The following IL1RAPL2 variants were observed in gnomAD, a reference collection of about 807,000 sequenced individuals.
The protein encoded by IL1RAPL2 is interleukin 1 receptor accessory protein like 2, also known as X-linked interleukin-1 receptor accessory protein-like 2.
In IL1RAPL2, 3 loss-of-function variants were observed where a neutral mutation model predicts 44.1. The observed-to-expected ratio is 0.07, with a 90% CI of 0.03 to 0.18. IL1RAPL2 has a LOEUF of 0.18. IL1RAPL2 is among the 10% of genes least tolerant of loss of function. The pLI, the probability that IL1RAPL2 is intolerant of heterozygous loss-of-function variation, is 1.00. For synonymous variants in IL1RAPL2, 181 were observed against 178.8 expected, an observed-to-expected ratio of 1.01 and a Z score of -0.10; for missense variants, 391 against 496.4, an observed-to-expected ratio of 0.79 and a Z score of 2.02.
In IL1RAPL2 at chrX:104,915,791, A is replaced by G. The variant is rs948348331; in HGVS notation, c.82+256796A>G. Among the ~76,000 whole-genome samples, 158 of 111,856 alleles carry G rather than the reference A, an allele frequency of 1.4e-3. 1 individual carries two copies. The highest frequency in any genetic ancestry group is 4.8e-3 in the African/African-American group (147 of 30,753). On this transcript the variant is annotated intron_variant, in intron 2 of 10. Transcript: ENST00000372582. ...CAGTTTCAGCTTTCTACATATGGCT[A>G]GCCCGTTTTCCCAGCACCATTTATT... is the stretch of plus-strand genomic sequence containing the variant.
At chrX:105,338,954 T>A (rs965817977) in intron 5 of IL1RAPL2, among the ~76,000 whole-genome samples, 1 of 109,930 alleles carries the variant, frequency 9.1e-6, no homozygotes. Flanking sequence ...ACAAAAAAAA[T>A]TAGCAAGATG....
chrX:105,118,772 T>C (rs1320971553), intron 2 of IL1RAPL2, among the ~76,000 whole-genome samples: 2 of 112,266 alleles, frequency 1.8e-5, no homozygotes, highest in African/African-American at 3.2e-5. Flanking sequence ...GTTATTACCC[T>C]GTAAGAAGAG....
At chrX:105,164,256 C>T (rs1463743513) in intron 2 of IL1RAPL2, among the ~76,000 whole-genome samples, 1 of 111,356 alleles carries the variant, frequency 9.0e-6, no homozygotes, top group Admixed American at 9.6e-5. Context: ...GGAAACTGGC[C>T]TGAGCTGATC....
intron 4 of IL1RAPL2, among the ~76,000 whole-genome samples, chrX:105,241,261 T>C (rs1418959867): frequency 9.0e-6 from 1 of 111,314 alleles, no homozygotes; most frequent in Admixed American, 9.6e-5. Flanking sequence ...AAACATTTGA[T>C]ATTATGAAAT....
chrX:105,135,625 C>T (rs949900171), intron 2 of IL1RAPL2, among the ~76,000 whole-genome samples: 41 of 111,746 alleles, frequency 3.7e-4, no homozygotes, highest in African/African-American at 1.3e-3. Context: ...TATTTTCCAA[C>T]CCTAGTAACT....
At chrX:105,032,712 G>A (rs1444965721) in intron 2 of IL1RAPL2, among the ~76,000 whole-genome samples, 1 of 111,307 alleles carries the variant, frequency 9.0e-6, no homozygotes, top group Non-Finnish European at 1.9e-5. Context: ...GTTGATTTGG[G>A]GTGGAGAGTT....
At chrX:104,744,029 G>C (rs1932134645) in intron 2 of IL1RAPL2, among the ~76,000 whole-genome samples, 1 of 110,680 alleles carries the variant, frequency 9.0e-6, no homozygotes, top group Non-Finnish European at 1.9e-5. Context: ...GGGTTAGGGG[G>C]TGTTCTATAT....
intron 2 of IL1RAPL2, among the ~76,000 whole-genome samples, chrX:104,970,740 C>A (rs1447972028): frequency 9.0e-6 from 1 of 111,507 alleles, no homozygotes; most frequent in Non-Finnish European, 1.9e-5. Context: ...ACCTCATTCC[C>A]CCTTCAAAGA....
At chrX:104,814,655 T>C (rs1921088118) in intron 2 of IL1RAPL2, among the ~76,000 whole-genome samples, 1 of 112,213 alleles carries the variant, frequency 8.9e-6, no homozygotes, top group African/African-American at 3.2e-5. Context: ...GATTCTATTG[T>C]CAACCTCCCT....
chrX:104,632,899 G>A (rs192709771), intron 1 of IL1RAPL2, among the ~76,000 whole-genome samples: 1,259 of 111,313 alleles, frequency 0.011, 19 homozygotes, highest in African/African-American at 0.039. Context: ...TGTTGAGAGA[G>A]GGCATCCCTG....
chrX:104,961,825 A>C (rs766996803), intron 2 of IL1RAPL2, among the ~76,000 whole-genome samples: 9 of 111,795 alleles, frequency 8.1e-5, no homozygotes, highest in African/African-American at 2.9e-4. Flanking sequence ...GCACTCAAAA[A>C]AGTATTTGTT....
intron 4 of IL1RAPL2, among the ~76,000 whole-genome samples, chrX:105,238,850 G>A (rs1408683862): frequency 1.8e-5 from 2 of 111,274 alleles, no homozygotes; most frequent in African/African-American, 6.5e-5. Flanking sequence ...TGCCCTCATG[G>A]TCACACATTT....
At chrX:105,073,988 G>A (rs966316900) in intron 2 of IL1RAPL2, among the ~76,000 whole-genome samples, 9 of 111,284 alleles carry the variant, frequency 8.1e-5, no homozygotes, top group African/African-American at 2.6e-4. Flanking sequence ...CCATTCTGTA[G>A]GTTGCCTGTT....
In IL1RAPL2 at chrX:105,461,214, G is replaced by A. The variant is rs766773327; in HGVS notation, c.698-23099G>A. ...TTCCAGTGTCTCAAGTCCTGTAGAT[G>A]CCCAAATGAGTCACTCCACACTTTG... is the stretch of plus-strand genomic sequence containing the variant. On this transcript the variant is annotated intron_variant, in intron 5 of 10. Transcript: ENST00000372582. 3.2e-4 allele frequency among the ~76,000 whole-genome samples: 35 copies of A among 111,034 alleles called. 2 individuals are homozygous for A. Among genetic ancestry groups the A allele is most frequent in the East Asian group, 2.3e-3 (8 of 3,496 alleles).
chrX:105,643,624 C>A (rs972355235), intron 6 of IL1RAPL2, among the ~76,000 whole-genome samples: 10 of 112,040 alleles, frequency 8.9e-5, no homozygotes, highest in African/African-American at 3.2e-4. Context: ...ATTTTATCTG[C>A]TCAGGCCTAG....
At chrX:105,507,493 G>A (rs1371242429) in intron 6 of IL1RAPL2, among the ~76,000 whole-genome samples, 1 of 111,291 alleles carries the variant, frequency 9.0e-6, no homozygotes, top group Non-Finnish European at 1.9e-5. Context: ...CATCATACAC[G>A]CACAAGCAAA....
At position 105,447,294 on chromosome X, in the gene IL1RAPL2, AAT is replaced by A. The variant is rs1480562177; in HGVS notation, c.698-37009_698-37008del. Among the ~76,000 whole-genome samples, 42 of 54,454 alleles carry A rather than the reference AAT, an allele frequency of 7.7e-4. 1 individual carries two copies. The highest frequency in any genetic ancestry group is 2.7e-3 in the African/African-American group (34 of 12,785). The allele number at this position is 54,454 out of a possible 115,157, so 47.3% of individuals were successfully genotyped here. A position where few individuals can be genotyped will look rare whatever the true frequency, so the allele number is the denominator to read the frequency against. On this transcript the variant is annotated intron_variant, in intron 5 of 10. Coordinates refer to ENST00000372582, the MANE Select transcript of IL1RAPL2 (RefSeq NM_017416.2). ...TATATATAAAATATATATAAATATAAATATATATATAAATATAAATATATATA... is the reference window on the plus strand; with the variant it reads ...TATATATAAAATATATATAAATATAAATATATATAAATATAAATATATATA...
intron 1 of IL1RAPL2, among the ~76,000 whole-genome samples, chrX:104,582,678 CTT>C (rs1491587723): frequency 5.6e-5 from 4 of 71,517 alleles, no homozygotes; most frequent in African/African-American, 2.2e-4. Context: ...TTTTCTTTCT[CTT>C]TCTTTCTTTC....
intron 2 of IL1RAPL2, among the ~76,000 whole-genome samples, chrX:104,809,193 C>T (rs1177342633): frequency 8.9e-6 from 1 of 111,761 alleles, no homozygotes; most frequent in Admixed American, 9.5e-5. Flanking sequence ...CCTCTCTCTG[C>T]TCCGCCTTCC....
Sources: gnomAD v4.1 joint callset for allele counts (sites outside exome capture counted in the v4.1 genomes callset) on GRCh38, gnomAD v4.1.1 for gene constraint, MANE v1.5 for transcripts, NCBI Gene and HGNC (gene_info 2026-07-23, HGNC 2026-07-21) for gene names.